Variants in ATP10B observed in about 807,000 individuals in gnomAD.
ATP10B encodes phospholipid-transporting ATPase VB.
ATP10B carries 122 observed loss-of-function variants against 141.2 expected under a neutral mutation model. The observed-to-expected ratio is 0.86, with a 90% CI of 0.75 to 1.00. The LOEUF (loss-of-function observed/expected upper bound fraction) is 1.00, where lower values mean the gene tolerates loss of function less well. ATP10B is among the 50% of genes least tolerant of loss of function. ATP10B has a pLI of 0.00. For synonymous variants in ATP10B, 685 were observed against 692.0 expected (o/e 0.99, Z 0.16); for missense variants, 1,876 against 1,825.3 (o/e 1.03, Z -0.51).
intron 7 of ATP10B, among the ~76,000 whole-genome samples, chr5:160,665,871 G>A (rs1328915669): frequency 6.6e-6 from 1 of 152,026 alleles, no homozygotes; most frequent in African/African-American, 2.4e-5. Context: ...AAGACAGTAG[G>A]GACTTAGAGG....
At chr5:160,766,641 G>A (rs1057102551) in intron 2 of ATP10B, among the ~76,000 whole-genome samples, 1 of 152,098 alleles carries the variant, frequency 6.6e-6, no homozygotes, top group East Asian at 1.9e-4. Flanking sequence ...TGGGTGCAGT[G>A]TACACTGCTC....
chr5:160,625,058 AG>A lies in ATP10B; in HGVS notation c.1621-2474del, dbSNP rs202190268. Among the ~76,000 whole-genome samples the A allele has an allele frequency of 1.5e-3, 234 of 152,326 alleles. 4 individuals carry two copies. In the East Asian group the frequency reaches 0.035, roughly 23 times the overall value. On this transcript the variant is annotated intron_variant, in intron 13 of 25. Coordinates refer to ENST00000327245, the MANE Select transcript of ATP10B (RefSeq NM_025153.3). ...ATCCATGGCCTCGTTATATCCCTGC[AG>A]TAACATTATCTATTTAGTACCATCA... is the stretch of plus-strand genomic sequence containing the variant.
At chr5:160,594,747 T>G (rs912559238) in intron 22 of ATP10B, among the ~76,000 whole-genome samples, 10 of 151,340 alleles carry the variant, frequency 6.6e-5, no homozygotes, top group African/African-American at 2.2e-4. Flanking sequence ...TCCTAGTCTC[T>G]GATAAAACAG....
At chr5:160,788,042 T>A (rs895783261) in intron 1 of ATP10B, among the ~76,000 whole-genome samples, 1 of 152,180 alleles carries the variant, frequency 6.6e-6, no homozygotes, top group Non-Finnish European at 1.5e-5. Flanking sequence ...CTAGAGGTCA[T>A]ACATTCACCT....
In ATP10B at chr5:160,789,334, T is replaced by C. The variant is rs571939644; in HGVS notation, c.-575-3531A>G. Among the ~76,000 whole-genome samples, 32 of 152,248 alleles carry C rather than the reference T, an allele frequency of 2.1e-4. No homozygotes were observed. In the East Asian group the frequency reaches 6.0e-3, roughly 29 times the overall value. On this transcript the variant is annotated intron_variant, in intron 1 of 25. Coordinates refer to ENST00000327245, the MANE Select transcript of ATP10B (RefSeq NM_025153.3). ...TGATTTTTTTATTGTGTAAACACCA[T>C]AGAGTGAACTTACACAAACCCAGAT...
chr5:160,810,065 CT>C (rs1468441969), intron 1 of ATP10B, among the ~76,000 whole-genome samples: 1 of 152,156 alleles, frequency 6.6e-6, no homozygotes, highest in African/African-American at 2.4e-5. Flanking sequence ...AGTATCTAAT[CT>C]TTCTTTACAT....
In ATP10B at chr5:160,670,523, G is replaced by A; in HGVS notation, c.615C>T (p.Ala205=). 1 of 1,614,000 alleles carries A rather than the reference G, an allele frequency of 6.2e-7. No individual in the cohort carries two copies. The highest frequency in any genetic ancestry group is 8.5e-7 in the Non-Finnish European group (1 of 1,179,990). The part of the protein sequence containing the change: ...DPNGICHLET[A]SLDGETNLKQ... ...TGAGGTTTGTCTCTCCATCCAAGCT[G>A]GCAGTTTCCAGATGGCATATCCCAT... is the stretch of plus-strand genomic sequence containing the variant. Residue 205 remains alanine (A), a synonymous_variant, in exon 7 of 26, where the codon GCC becomes GCT. Coordinates refer to ENST00000327245, the MANE Select transcript of ATP10B (RefSeq NM_025153.3).
chr5:160,809,665 TTCTC>T (rs1371694609), intron 1 of ATP10B, among the ~76,000 whole-genome samples: 1 of 152,184 alleles, frequency 6.6e-6, no homozygotes, highest in Non-Finnish European at 1.5e-5. Flanking sequence ...AATTTAGTTT[TTCTC>T]TCTTACTGTG....
chr5:160,830,189 C>T (rs1212417160), intron 1 of ATP10B, among the ~76,000 whole-genome samples: 8 of 152,002 alleles, frequency 5.3e-5, no homozygotes, highest in Non-Finnish European at 1.0e-4. Context: ...CTGCATCTAT[C>T]GAGGTTATGT....
At chr5:160,814,548 A>T (rs57899755) in intron 1 of ATP10B, among the ~76,000 whole-genome samples, 36,944 of 131,242 alleles carry the variant, frequency 0.28, 6,903 homozygotes, top group East Asian at 0.39. Context: ...GGACCCAAGT[A>T]GGAAAACCCT....
chr5:160,649,316 C>T (rs1760535959), intron 7 of ATP10B, 60 bp from the exon 8 acceptor site: 1 of 1,205,590 alleles, frequency 8.3e-7, no homozygotes, highest in Non-Finnish European at 1.2e-6. Context: ...TTAATAGGAT[C>T]ACTGGGAGAG....
At chr5:160,667,467 T>A (rs1033629329) in intron 7 of ATP10B, among the ~76,000 whole-genome samples, 1 of 152,116 alleles carries the variant, frequency 6.6e-6, no homozygotes, top group African/African-American at 2.4e-5. Flanking sequence ...CTATTATTAT[T>A]ACTAAAATGA....
chr5:160,801,894 T>C (rs566603797), intron 1 of ATP10B, among the ~76,000 whole-genome samples: 74 of 152,286 alleles, frequency 4.9e-4, no homozygotes, highest in African/African-American at 1.8e-3. Flanking sequence ...AACAATGCCT[T>C]CTTCATCTTA....
At chr5:160,705,772 T>C (rs1764979005) in intron 3 of ATP10B, among the ~76,000 whole-genome samples, 1 of 152,232 alleles carries the variant, frequency 6.6e-6, no homozygotes, top group Admixed American at 6.5e-5. Flanking sequence ...CTTTTAATTT[T>C]CTTCAAGAAC....
At chr5:160,740,505 C>T (rs1253268630) in intron 2 of ATP10B, among the ~76,000 whole-genome samples, 1 of 152,200 alleles carries the variant, frequency 6.6e-6, no homozygotes, top group Admixed American at 6.5e-5. Flanking sequence ...TGGCTCTCCA[C>T]TGAGGAGCCA....
At chr5:160,765,823 T>C (rs1769361897) in intron 2 of ATP10B, among the ~76,000 whole-genome samples, 1 of 151,590 alleles carries the variant, frequency 6.6e-6, no homozygotes, top group Non-Finnish European at 1.5e-5. Context: ...AAAACTAATA[T>C]CCAGAATCTA....
chr5:160,900,945 A>C, the ATP10B span, among the ~76,000 whole-genome samples: 1 of 114,336 alleles, frequency 8.7e-6, no homozygotes, highest in Non-Finnish European at 1.7e-5. Flanking sequence ...AAGTCTTATA[A>C]TCTCGGTTCT....
rs1396456754 is a variant in ATP10B at position 160,564,379 on chromosome 5, C to T, written c.*1074G>A. On this transcript the variant is annotated 3_prime_UTR_variant, in exon 26 of 26. Coordinates refer to ENST00000327245, the MANE Select transcript of ATP10B (RefSeq NM_025153.3). Reference sequence around the variant, plus strand: ...GGGATAGGAAGTCTATATAATCCTTCTTTTCCCTGTGAAGTGACACTTGCT... The same window carrying T: ...GGGATAGGAAGTCTATATAATCCTTTTTTTCCCTGTGAAGTGACACTTGCT... 1 of 152,140 alleles carries T rather than the reference C, an allele frequency of 6.6e-6. No individual in the cohort carries two copies. The highest frequency in any genetic ancestry group is 1.5e-5 in the Non-Finnish European group (1 of 68,030). 9.4% of individuals were successfully genotyped at this position (152,140 alleles called of 1,614,324 possible). A position where few individuals can be genotyped will look rare whatever the true frequency, so the allele number is the denominator to read the frequency against.
chr5:160,740,244 G>C (rs1259835595), intron 2 of ATP10B, among the ~76,000 whole-genome samples: 1 of 152,164 alleles, frequency 6.6e-6, no homozygotes, highest in Non-Finnish European at 1.5e-5. Flanking sequence ...TAATTTAAAG[G>C]ATTTTCAAAA....
Sources: allele counts gnomAD v4.1 joint callset (sites outside exome capture counted in the v4.1 genomes callset), GRCh38; gene constraint gnomAD v4.1.1; transcripts MANE v1.5; gene names NCBI Gene and HGNC (gene_info 2026-07-23, HGNC 2026-07-21).